The following CADM4 variants were observed in gnomAD, a reference collection of about 807,000 sequenced individuals.
The protein encoded by CADM4 is TSLC1-like 2.
A neutral mutation model predicts 43.9 loss-of-function variants in CADM4; 13 were observed. That is an observed-to-expected ratio of 0.30 (90% CI 0.19 to 0.47). The LOEUF (loss-of-function observed/expected upper bound fraction) is 0.47, where lower values mean the gene tolerates loss of function less well. CADM4 is among the 20% of genes least tolerant of loss of function. CADM4 has a pLI of 1.00. For synonymous variants in CADM4, 209 were observed against 220.9 expected (o/e 0.95, Z 0.48); for missense variants, 420 against 527.0 (o/e 0.80, Z 1.99).
intron 1 of CADM4, among the ~76,000 whole-genome samples, chr19:43,635,615 C>T (rs1337439438): frequency 6.6e-6 from 1 of 151,630 alleles, no homozygotes; most frequent in Admixed American, 6.6e-5. Flanking sequence ...TCTCTTAAAC[C>T]CAGGGGTCTA....
rs1026436626 is a variant in CADM4, at chr19:43,624,950, C to G, written c.928+128G>C. 2.8e-6 allele frequency: 3 copies of G among 1,056,820 alleles called. No homozygotes were observed. In the African/African-American group the frequency reaches 4.8e-5, roughly 17 times the overall value. The allele number at this position is 1,056,820 out of a possible 1,614,324, so 65.5% of individuals were successfully genotyped here. ...CCGAATTTGAGCCCCGCGGGCCAGT[C>G]TGGTCCCAAAACAAAAAGAACTCTG... On this transcript the variant is annotated intron_variant, in intron 7 of 8. Coordinates refer to ENST00000222374, the MANE Select transcript of CADM4 (RefSeq NM_145296.2).
chr19:43,633,510 A>G (rs1169450314), intron 1 of CADM4, among the ~76,000 whole-genome samples: 5 of 152,180 alleles, frequency 3.3e-5, no homozygotes, highest in Non-Finnish European at 7.3e-5. Flanking sequence ...GAAGGCAGGG[A>G]TATAATCCAA....
In CADM4 at chr19:43,623,201, G is replaced by C; in HGVS notation, c.*129C>G. ...CACCCCCATCCCTGCCCAAGCGTCT[G>C]AGGTGTTAGTGGTGGGGGGAGAAGC... is the stretch of plus-strand genomic sequence containing the variant. On this transcript the variant is annotated 3_prime_UTR_variant, in exon 9 of 9. Coordinates refer to ENST00000222374, the MANE Select transcript of CADM4 (RefSeq NM_145296.2). The surrounding 1 kb of genome is among the most constrained non-coding windows in gnomAD (Gnocchi z 4.4). 1 of 718,602 alleles carries C rather than the reference G, an allele frequency of 1.4e-6. No homozygotes were observed. Among genetic ancestry groups the C allele is most frequent in the Non-Finnish European group, 2.5e-6 (1 of 399,976 alleles). 44.5% of individuals were successfully genotyped at this position (718,602 alleles called of 1,614,324 possible).
At chr19:43,631,734 G>A (rs575162669) in intron 1 of CADM4, among the ~76,000 whole-genome samples, 12 of 152,272 alleles carry the variant, frequency 7.9e-5, no homozygotes, top group African/African-American at 2.6e-4. Flanking sequence ...AGTGTGACGC[G>A]TGGAATTTAG....
Position 43,626,301 on chromosome 19 carries a change from G to A in CADM4, c.500-13C>T, listed in dbSNP as rs3746003. The A allele has an allele frequency of 0.15, 245,381 of 1,606,892 alleles. 19,592 individuals carry two copies. The highest frequency in any genetic ancestry group is 0.24 in the Admixed American group (14,303 of 59,828). The stretch of plus-strand genomic sequence containing the variant: ...CTGCTGCTCACTCCTGCCACACCCC[G>A]GTCAGACACTGTCAGGCCACAATTC... On this transcript the variant is annotated splice_polypyrimidine_tract_variant and intron_variant, in intron 4 of 8. Coordinates refer to ENST00000222374, the MANE Select transcript of CADM4 (RefSeq NM_145296.2). This position sits in a 1 kb window ranked among gnomAD's most constrained non-coding sequence, Gnocchi z 5.9.
At chr19:43,631,161 T>G (rs1457628083) in intron 1 of CADM4, among the ~76,000 whole-genome samples, 1 of 151,960 alleles carries the variant, frequency 6.6e-6, no homozygotes, top group African/African-American at 2.4e-5. Context: ...ACCAACATGG[T>G]GAAACCCCGT....
rs1400164189 is a variant in CADM4 at position 43,626,232 on chromosome 19, A to C, written c.556T>G (p.Phe186Val). The change falls in exon 5 of 9, where the codon TTT becomes GTT. Residue 186 changes from phenylalanine to valine, a missense_variant. Transcript: ENST00000222374. The surrounding 1 kb of genome is among the most constrained non-coding windows in gnomAD (Gnocchi z 5.9). ...KVWSVASTVRFRVDRKDDGGI... is the reference protein window; with the variant it reads ...KVWSVASTVRVRVDRKDDGGI... ...CCGTCGTCCTTACGGTCCACACGAAACCGTACTGTGCTTGCCACGCTCCAG... is the reference window on the plus strand; with the variant it reads ...CCGTCGTCCTTACGGTCCACACGAACCCGTACTGTGCTTGCCACGCTCCAG... The C allele has an allele frequency of 6.2e-7, 1 of 1,613,100 alleles. No homozygotes were observed.
intron 1 of CADM4, among the ~76,000 whole-genome samples, chr19:43,636,355 G>A (rs887925089): frequency 2.0e-5 from 3 of 152,054 alleles, no homozygotes; most frequent in Non-Finnish European, 4.4e-5. Flanking sequence ...TTCCTGCTCC[G>A]GGAAGGGTGC....
chr19:43,624,022 G>C, intron 8 of CADM4, 92 bp downstream of exon 8: 1 of 1,513,420 alleles, frequency 6.6e-7, no homozygotes, highest in Admixed American at 1.9e-5. Context: ...CAGAGCCTAG[G>C]CTCCGCCCTC....
At chr19:43,631,350 A>G (rs1204304159) in intron 1 of CADM4, among the ~76,000 whole-genome samples, 1 of 151,928 alleles carries the variant, frequency 6.6e-6, no homozygotes, top group Admixed American at 6.6e-5. Flanking sequence ...CAAAAAAGAA[A>G]AAAAAAAAAG....
rs116981549 is a variant in CADM4, at chr19:43,632,405, C to T, written c.65-4615G>A. 7.7e-3 allele frequency among the ~76,000 whole-genome samples: 1,177 copies of T among 152,230 alleles called. 7 individuals carry two copies. The highest frequency in any genetic ancestry group is 0.013 in the Non-Finnish European group (880 of 68,008). Reference sequence around the variant, plus strand: ...CCAGGGCCATTCTCCACCCAGTGGCCGGATCGATTTTTCAAAGAGGTAAAT... The same window carrying T: ...CCAGGGCCATTCTCCACCCAGTGGCTGGATCGATTTTTCAAAGAGGTAAAT... On this transcript the variant is annotated intron_variant, in intron 1 of 8. Coordinates refer to ENST00000222374, the MANE Select transcript of CADM4 (RefSeq NM_145296.2).
At position 43,626,413 on chromosome 19, in the gene CADM4, T is replaced by A. The variant is rs1220163765; in HGVS notation, c.500-125A>T. On this transcript the variant is annotated intron_variant, in intron 4 of 8. Coordinates refer to ENST00000222374, the MANE Select transcript of CADM4 (RefSeq NM_145296.2). The surrounding 1 kb of genome is among the most constrained non-coding windows in gnomAD (Gnocchi z 5.9). ...CCTTACCCACAGGCCCCGCCTCTTG[T>A]CCTCCAAGCTACGCCCCTCCCCTAA... 1 of 1,215,986 alleles carries A rather than the reference T, an allele frequency of 8.2e-7. No homozygotes were observed. Among genetic ancestry groups the A allele is most frequent in the Non-Finnish European group, 1.1e-6 (1 of 874,056 alleles). The allele number at this position is 1,215,986 out of a possible 1,614,324, so 75.3% of individuals were successfully genotyped here.
chr19:43,639,811 C>T lies in CADM4; in HGVS notation c.-21G>A, dbSNP rs898783747. 10 of 1,000,280 alleles carry T rather than the reference C, an allele frequency of 1.0e-5. No individual in the cohort carries two copies. Among genetic ancestry groups the T allele is most frequent in the Non-Finnish European group, 1.2e-5 (10 of 843,972 alleles). The allele number at this position is 1,000,280 out of a possible 1,614,324, so 62.0% of individuals were successfully genotyped here. On this transcript the variant is annotated 5_prime_UTR_variant, in exon 1 of 9. Coordinates refer to ENST00000222374, the MANE Select transcript of CADM4 (RefSeq NM_145296.2). ...CCCATGGTGCCGCCGCCGCCGCCGC[C>T]GCCGCTCGCTCCCGGCCCGGCACCT...
At position 43,625,802 on chromosome 19, in the gene CADM4, G is replaced by C; in HGVS notation, c.755+109C>G. On this transcript the variant is annotated intron_variant, in intron 6 of 8. Transcript: ENST00000222374. The surrounding 1 kb of genome is among the most constrained non-coding windows in gnomAD (Gnocchi z 4.5). ...AGGTCCTAGCTCCCTGTTTGTCCAG[G>C]TCCTCAGCTCTCTCCTCCTTAGGAC... The C allele has an allele frequency of 1.1e-6, 1 of 882,990 alleles. No individual in the cohort carries two copies. Among genetic ancestry groups the C allele is most frequent in the Non-Finnish European group, 1.8e-6 (1 of 557,218 alleles). The allele number at this position is 882,990 out of a possible 1,614,324, so 54.7% of individuals were successfully genotyped here. A position where few individuals can be genotyped will look rare whatever the true frequency, so the allele number is the denominator to read the frequency against.
Position 43,625,136 on chromosome 19 carries a change from A to G in CADM4, c.870T>C (p.Thr290=). The change falls in exon 7 of 9, where the codon ACT becomes ACC. Residue 290 remains threonine (T), a synonymous_variant. Transcript: ENST00000222374. This position sits in a 1 kb window ranked among gnomAD's most constrained non-coding sequence, Gnocchi z 4.5. Reference sequence around the variant, plus strand: ...GGCCGTGCTTATTGGACGCCTCGCAAGTGTAGGTGCCGTTATCCGCGGATA... The same window carrying G: ...GGCCGTGCTTATTGGACGCCTCGCAGGTGTAGGTGCCGTTATCCGCGGATA... ...GLVSADNGTY[T]CEASNKHGHA... is the part of the protein sequence containing the mutation. The G allele has an allele frequency of 6.2e-7, 1 of 1,613,924 alleles. No individual in the cohort carries two copies.
rs762964392 is a variant in CADM4, at chr19:43,623,279, TG to T, written c.*50del. 3.9e-5 allele frequency: 53 copies of T among 1,355,558 alleles called. No homozygotes were observed. The highest frequency in any genetic ancestry group is 4.8e-5 in the Non-Finnish European group (46 of 949,022). The allele number at this position is 1,355,558 out of a possible 1,614,324, so 84.0% of individuals were successfully genotyped here. On this transcript the variant is annotated 3_prime_UTR_variant, in exon 9 of 9. Coordinates refer to ENST00000222374, the MANE Select transcript of CADM4 (RefSeq NM_145296.2). This position sits in a 1 kb window ranked among gnomAD's most constrained non-coding sequence, Gnocchi z 4.4. ...TTTGCTGGTTCCTTGCAGCTGGCAG[TG>T]GGGGGGACCCCAGCCCAGGCCCAGG...
At position 43,639,836 on chromosome 19, in the gene CADM4, T is replaced by A. The variant is rs1177168553; in HGVS notation, c.-46A>T. ...CGCCGCTCGCTCCCGGCCCGGCACC[T>A]GCACCGCCCGCGCCGCCCGCCCCGC... On this transcript the variant is annotated 5_prime_UTR_variant, in exon 1 of 9. Coordinates refer to ENST00000222374, the MANE Select transcript of CADM4 (RefSeq NM_145296.2). The A allele has an allele frequency of 3.1e-6, 3 of 974,856 alleles. No individual in the cohort carries two copies. Among genetic ancestry groups the A allele is most frequent in the Non-Finnish European group, 3.6e-6 (3 of 826,050 alleles). The allele number at this position is 974,856 out of a possible 1,614,324, so 60.4% of individuals were successfully genotyped here.
Position 43,623,517 on chromosome 19 carries a change from G to A in CADM4, c.1058-78C>T. 1 of 898,992 alleles carries A rather than the reference G, an allele frequency of 1.1e-6. No homozygotes were observed. The highest frequency in any genetic ancestry group is 1.9e-6 in the Non-Finnish European group (1 of 532,878). The allele number at this position is 898,992 out of a possible 1,614,324, so 55.7% of individuals were successfully genotyped here. A position where few individuals can be genotyped will look rare whatever the true frequency, so the allele number is the denominator to read the frequency against. On this transcript the variant is annotated intron_variant, in intron 8 of 8. Coordinates refer to ENST00000222374, the MANE Select transcript of CADM4 (RefSeq NM_145296.2). The surrounding 1 kb of genome is among the most constrained non-coding windows in gnomAD (Gnocchi z 4.4). ...AGTTGGACAGAAGTATAAGGGAAGA[G>A]GGAGACAGACAAGACACATGCCAGG...
intron 8 of CADM4, 40 bp downstream of exon 8, chr19:43,624,074 C>T (rs749012266): frequency 1.7e-5 from 27 of 1,610,606 alleles, no homozygotes; most frequent in Non-Finnish European, 5.1e-6. Context: ...CCGAGCCCTA[C>T]AACCAACCAA....
Sources: gnomAD v4.1 joint callset for allele counts (sites outside exome capture counted in the v4.1 genomes callset) on GRCh38, gnomAD v4.1.1 for gene constraint, Gnocchi (gnomAD v3.1) non-coding constraint, MANE v1.5 for transcripts, NCBI Gene and HGNC (gene_info 2026-07-23, HGNC 2026-07-21) for gene names.